Variants in AUTS2 observed in about 807,000 individuals in gnomAD.
The protein encoded by AUTS2 is activator of transcription and developmental regulator AUTS2, also known as autism susceptibility gene 2 protein.
Under a neutral mutation model 112.4 loss-of-function variants are expected in AUTS2, and 17 were observed. The observed-to-expected ratio is 0.15, with a 90% CI of 0.10 to 0.23. The LOEUF is 0.23. AUTS2 is among the 10% of genes least tolerant of loss of function. The pLI, the probability that AUTS2 is intolerant of heterozygous loss-of-function variation, is 1.00. For synonymous variants in AUTS2, 751 were observed against 702.7 expected (o/e 1.07, Z -1.09); for missense variants, 1,510 against 1,701.6 (o/e 0.89, Z 1.98).
intron 1 of AUTS2, among the ~76,000 whole-genome samples, chr7:69,801,046 G>A (rs916016133): frequency 2.0e-5 from 3 of 151,834 alleles, no homozygotes; most frequent in Admixed American, 1.3e-4. Flanking sequence ...ACAGTTTTTC[G>A]TTCATACTTA....
rs1252038479 is a variant in AUTS2, at chr7:70,790,704, A to G, written c.3488A>G (p.Glu1163Gly). 6 of 1,613,470 alleles carry G rather than the reference A, an allele frequency of 3.7e-6. No individual in the cohort carries two copies. Among genetic ancestry groups the G allele is most frequent in the Non-Finnish European group, 5.1e-6 (6 of 1,179,958 alleles). The change falls in exon 19 of 19, where the codon GAG (glutamate) becomes GGG (glycine). Residue 1163 changes from glutamate (E) to glycine (G), a missense_variant. By Grantham distance (98) the Glu-to-Gly change is moderately conservative (BLOSUM62 -2). This residue lies in a region of AUTS2 where 788 missense variants were observed against 797.6 expected (regional missense o/e 0.99). Transcript: ENST00000342771. The surrounding 1 kb of genome is among the most constrained non-coding windows in gnomAD (Gnocchi z 7.6). ...ERLHMLREDY[E>G]HTRLHSVHPA... is the part of the protein sequence containing the mutation. ...TTGCACATGCTCAGAGAAGACTACG[A>G]GCACACGCGGCTCCACTCCGTGCAC...
chr7:70,118,032 G>C, intron 2 of AUTS2, 100 bp from the exon 3 acceptor site: 1 of 1,372,974 alleles, frequency 7.3e-7, no homozygotes, highest in Non-Finnish European at 9.5e-7. Flanking sequence ...ACAGGCGTGA[G>C]CCACCGTGCC....
intron 4 of AUTS2, among the ~76,000 whole-genome samples, chr7:70,387,864 C>T (rs555227526): frequency 2.6e-5 from 4 of 152,302 alleles, no homozygotes; most frequent in South Asian, 2.1e-4. Flanking sequence ...CCATCTTCTA[C>T]GTTACGGCCA....
At chr7:70,292,590 A>G (rs1300237124) in intron 4 of AUTS2, 1 of 152,220 alleles carries the variant, frequency 6.6e-6, no homozygotes, top group African/African-American at 2.4e-5. Context: ...ATGATTGGGG[A>G]TGGAGATTGG....
intron 4 of AUTS2, among the ~76,000 whole-genome samples, chr7:70,190,760 T>C (rs1013227523): frequency 6.6e-6 from 1 of 152,232 alleles, no homozygotes; most frequent in Non-Finnish European, 1.5e-5. Context: ...TATAAAGTAA[T>C]AGGAGTTTCC....
At chr7:69,651,623 T>C (rs939948193) in intron 1 of AUTS2, among the ~76,000 whole-genome samples, 1 of 152,234 alleles carries the variant, frequency 6.6e-6, no homozygotes, top group Non-Finnish European at 1.5e-5. Context: ...CATGATAGAC[T>C]AGCAACTAGA....
At chr7:70,372,174 A>G (rs1792868734) in intron 4 of AUTS2, among the ~76,000 whole-genome samples, 1 of 152,200 alleles carries the variant, frequency 6.6e-6, no homozygotes, top group Non-Finnish European at 1.5e-5. Flanking sequence ...GAAAACTGAT[A>G]TTCCAGAAAG....
At chr7:69,718,315 C>T (rs910272150) in intron 1 of AUTS2, among the ~76,000 whole-genome samples, 14 of 152,170 alleles carry the variant, frequency 9.2e-5, no homozygotes, top group East Asian at 1.9e-4. Context: ...AAACTTTTAT[C>T]TTACATTTTT....
chr7:70,096,625 A>G (rs1434742455), intron 2 of AUTS2, among the ~76,000 whole-genome samples: 1 of 151,602 alleles, frequency 6.6e-6, no homozygotes. Flanking sequence ...AAGAAAAAAA[A>G]AGAAAAAGAA....
chr7:70,340,316 C>A (rs1472169944), intron 4 of AUTS2, among the ~76,000 whole-genome samples: 1 of 151,922 alleles, frequency 6.6e-6, no homozygotes, highest in Non-Finnish European at 1.5e-5. Flanking sequence ...TGAGGTGTGC[C>A]TAGAAGCTGT....
Position 69,860,601 on chromosome 7 carries a change from C to G in AUTS2, c.310-38685C>G, listed in dbSNP as rs187649851. Among the ~76,000 whole-genome samples the G allele has an allele frequency of 8.3e-4, 127 of 152,216 alleles. 1 individual carries two copies. The highest frequency in any genetic ancestry group is 3.0e-3 in the African/African-American group (126 of 41,536). On this transcript the variant is annotated intron_variant, in intron 1 of 18. Coordinates refer to ENST00000342771, the MANE Select transcript of AUTS2 (RefSeq NM_015570.4). ...CCGTCTGTCACTGGCCCAGTTCCTC[C>G]CCTCACCTCCCTCTCCTCAGATTCA...
chr7:70,315,537 C>T (rs1485850513), intron 4 of AUTS2, among the ~76,000 whole-genome samples: 3 of 152,174 alleles, frequency 2.0e-5, no homozygotes, highest in Non-Finnish European at 4.4e-5. Context: ...TCTTACCTGC[C>T]ATTGTTATTC....
chr7:70,762,397 G>A (rs1275193694), intron 6 of AUTS2, among the ~76,000 whole-genome samples: 2 of 151,528 alleles, frequency 1.3e-5, no homozygotes, highest in South Asian at 2.1e-4. Context: ...TCAGCCTCCC[G>A]AGTAGCTTGG....
At chr7:70,070,893 A>G (rs989922575) in intron 2 of AUTS2, among the ~76,000 whole-genome samples, 9 of 151,498 alleles carry the variant, frequency 5.9e-5, no homozygotes, top group Non-Finnish European at 1.0e-4. Context: ...AAAAAAAAAA[A>G]GAAAGGGAGA....
At chr7:69,642,236 A>G (rs962780853) in intron 1 of AUTS2, among the ~76,000 whole-genome samples, 1 of 152,156 alleles carries the variant, frequency 6.6e-6, no homozygotes, top group African/African-American at 2.4e-5. Context: ...AGTAAAACCA[A>G]ATTACCTGGA....
intron 4 of AUTS2, among the ~76,000 whole-genome samples, chr7:70,242,842 G>T (rs983050510): frequency 6.6e-6 from 1 of 152,160 alleles, no homozygotes; most frequent in Non-Finnish European, 1.5e-5. Context: ...CAAAAAGAAA[G>T]AGAGCAAGAG....
intron 5 of AUTS2, among the ~76,000 whole-genome samples, chr7:70,464,158 A>G (rs1007517442): frequency 1.3e-5 from 2 of 152,130 alleles, no homozygotes; most frequent in Admixed American, 6.5e-5. Flanking sequence ...TTCACCATCT[A>G]TTGCATTGCC....
At chr7:70,477,090 A>G (rs1797611052) in intron 5 of AUTS2, among the ~76,000 whole-genome samples, 1 of 152,158 alleles carries the variant, frequency 6.6e-6, no homozygotes, top group South Asian at 2.1e-4. Context: ...CAAGTACACA[A>G]TTTATTTTGA....
chr7:70,136,759 A>C (rs1225085161), intron 4 of AUTS2, among the ~76,000 whole-genome samples: 1 of 152,216 alleles, frequency 6.6e-6, no homozygotes, highest in Non-Finnish European at 1.5e-5. Flanking sequence ...CTATTAGCGC[A>C]ATTGAACCAT....
Sources: allele counts gnomAD v4.1 joint callset (sites outside exome capture counted in the v4.1 genomes callset), GRCh38; gene constraint gnomAD v4.1.1; regional missense constraint gnomAD v4.1.1; non-coding constraint Gnocchi (gnomAD v3.1); transcripts MANE v1.5; gene names NCBI Gene and HGNC (gene_info 2026-07-23, HGNC 2026-07-21).